GPR39: variants seen among roughly 807,000 people sequenced by gnomAD.
GPR39 encodes G protein-coupled receptor 39.
In GPR39, 23 loss-of-function variants were observed where a neutral mutation model predicts 18.4. That is an observed-to-expected ratio of 1.25 (90% CI 0.90 to 1.77). GPR39 has a LOEUF of 1.77. GPR39 is among the 40% of genes most tolerant of loss of function. The pLI, the probability that GPR39 is intolerant of heterozygous loss-of-function variation, is 0.00. For missense variants in GPR39, 647 were observed against 602.4 expected (o/e 1.07, Z -0.78); for synonymous variants, 280 against 257.9 (o/e 1.09, Z -0.82).
intron 1 of GPR39, among the ~76,000 whole-genome samples, chr2:132,611,939 C>T (rs376918570): frequency 1.6e-4 from 25 of 152,116 alleles, no homozygotes; most frequent in African/African-American, 2.7e-4. Flanking sequence ...ATGACTGAAA[C>T]GGAGCTTCTC....
rs975480976 is a variant in GPR39 at position 132,645,460 on chromosome 2, G to C, written c.1216G>C (p.Glu406Gln). 1 of 1,613,900 alleles carries C rather than the reference G, an allele frequency of 6.2e-7. No homozygotes were observed. The change falls in exon 2 of 2, where the codon GAG (glutamate) becomes CAG (glutamine). Residue 406 changes from glutamate to glutamine, a missense_variant. Physicochemically the swap from Glu to Gln is conservative, Grantham distance 29. Around this residue, in one of 3 missense-constraint regions of GPR39, gnomAD observed 581 missense variants for 506.8 expected, o/e 1.15. Coordinates refer to ENST00000329321, the MANE Select transcript of GPR39 (RefSeq NM_001508.3). ...SRRQSSARRT[E>Q]KIFLSTFQSE... Reference sequence around the variant, plus strand: ...GCGCCAGTCCTCTGCAAGGAGAACTGAGAAGATTTTCTTAAGCACTTTTCA... The same window carrying C: ...GCGCCAGTCCTCTGCAAGGAGAACTCAGAAGATTTTCTTAAGCACTTTTCA...
At chr2:132,573,021 T>C (rs1462832524) in intron 1 of GPR39, among the ~76,000 whole-genome samples, 1 of 152,118 alleles carries the variant, frequency 6.6e-6, no homozygotes, top group Admixed American at 6.5e-5. Context: ...GTGCCCATTG[T>C]GGAAGTGAAA....
At chr2:132,638,502 G>T (rs1347747861) in intron 1 of GPR39, among the ~76,000 whole-genome samples, 1 of 152,162 alleles carries the variant, frequency 6.6e-6, no homozygotes, top group Non-Finnish European at 1.5e-5. Context: ...GCATGTCTAA[G>T]AAGTTCCCAG....
intron 1 of GPR39, among the ~76,000 whole-genome samples, chr2:132,572,311 C>G (rs1558844231): frequency 6.6e-6 from 1 of 152,116 alleles, no homozygotes; most frequent in Non-Finnish European, 1.5e-5. Flanking sequence ...CTCTTTCTTT[C>G]AGCCCCCTAG....
At chr2:132,585,952 T>TTTTTTTG (rs1442684553) in intron 1 of GPR39, among the ~76,000 whole-genome samples, 39 of 135,906 alleles carry the variant, frequency 2.9e-4, no homozygotes, top group Non-Finnish European at 6.0e-4. Flanking sequence ...TCCCCGGTTT[T>TTTTTTTG]TTTTTTTTTT....
At chr2:132,436,677 A>G (rs1680324322) in intron 1 of GPR39, among the ~76,000 whole-genome samples, 1 of 152,150 alleles carries the variant, frequency 6.6e-6, no homozygotes, top group South Asian at 2.1e-4. Flanking sequence ...TCAGCTTAGT[A>G]AAGAGCCCCC....
intron 1 of GPR39, among the ~76,000 whole-genome samples, chr2:132,506,687 A>C (rs1220240451): frequency 6.6e-6 from 1 of 152,140 alleles, no homozygotes; most frequent in Non-Finnish European, 1.5e-5. Context: ...GAATTCACTC[A>C]CTATCACAAG....
At chr2:132,491,036 C>G (rs1212271027) in intron 1 of GPR39, among the ~76,000 whole-genome samples, 1 of 152,160 alleles carries the variant, frequency 6.6e-6, no homozygotes, top group Non-Finnish European at 1.5e-5. Flanking sequence ...AATTTGCGAA[C>G]CTTGAACCAA....
chr2:132,446,769 G>C (rs1680545069), intron 1 of GPR39, among the ~76,000 whole-genome samples: 2 of 152,142 alleles, frequency 1.3e-5, no homozygotes, highest in Non-Finnish European at 2.9e-5. Flanking sequence ...GAATGGAGTG[G>C]AGTAGAGAGC....
intron 1 of GPR39, among the ~76,000 whole-genome samples, chr2:132,558,075 G>A (rs1047234187): frequency 6.6e-6 from 1 of 152,054 alleles, no homozygotes; most frequent in African/African-American, 2.4e-5. Flanking sequence ...TAAAGGATAC[G>A]TTCTCAGAAA....
intron 1 of GPR39, among the ~76,000 whole-genome samples, chr2:132,619,649 A>G (rs886435897): frequency 1.3e-5 from 2 of 152,174 alleles, no homozygotes; most frequent in African/African-American, 4.8e-5. Flanking sequence ...GTCTAGGCAC[A>G]GCCTCCTGGG....
chr2:132,617,661 G>A (rs1462645162), intron 1 of GPR39, among the ~76,000 whole-genome samples: 2 of 152,142 alleles, frequency 1.3e-5, no homozygotes, highest in Non-Finnish European at 1.5e-5. Context: ...TATAGGAAAT[G>A]TCTTCCCTAG....
chr2:132,534,432 A>G (rs531780217), intron 1 of GPR39, among the ~76,000 whole-genome samples: 41 of 149,574 alleles, frequency 2.7e-4, no homozygotes, highest in African/African-American at 8.0e-4. Flanking sequence ...TCAGTGTGGC[A>G]ATTCCTCAGG....
intron 1 of GPR39, among the ~76,000 whole-genome samples, chr2:132,624,240 C>A (rs1282622720): frequency 6.6e-6 from 1 of 152,108 alleles, no homozygotes; most frequent in Non-Finnish European, 1.5e-5. Context: ...CTTGTCTGTG[C>A]ATGTCTGTGT....
chr2:132,430,608 C>T (rs1368774279), intron 1 of GPR39, among the ~76,000 whole-genome samples: 2 of 152,176 alleles, frequency 1.3e-5, no homozygotes, highest in Non-Finnish European at 2.9e-5. Context: ...CAGCTTCAGG[C>T]ATCATCCCAT....
intron 1 of GPR39, among the ~76,000 whole-genome samples, chr2:132,509,054 C>G (rs776514143): frequency 2.6e-5 from 4 of 152,198 alleles, no homozygotes; most frequent in Non-Finnish European, 1.5e-5. Flanking sequence ...GCATCAGAAA[C>G]TGCTGGGGTG....
At chr2:132,627,759 C>T (rs766965265) in intron 1 of GPR39, among the ~76,000 whole-genome samples, 4 of 152,142 alleles carry the variant, frequency 2.6e-5, no homozygotes, top group Admixed American at 6.5e-5. Context: ...GAGCCTCGGC[C>T]GTGGGGGAGG....
chr2:132,643,626 G>A (rs7603926), intron 1 of GPR39, among the ~76,000 whole-genome samples: 85,171 of 152,084 alleles, frequency 0.56, 25,719 homozygotes, highest in African/African-American at 0.8. Flanking sequence ...TGATCCTCCC[G>A]CCTCAGCCCC....
chr2:132,428,879 G>T (rs1198437606), intron 1 of GPR39, among the ~76,000 whole-genome samples: 2 of 152,186 alleles, frequency 1.3e-5, no homozygotes, highest in African/African-American at 4.8e-5. Context: ...CTTAAATCTG[G>T]CTCCAAGCTC....
Sources: gnomAD v4.1 joint callset for allele counts (sites outside exome capture counted in the v4.1 genomes callset) on GRCh38, gnomAD v4.1.1 for gene constraint, gnomAD v4.1.1 regional missense constraint, MANE v1.5 for transcripts, NCBI Gene and HGNC (gene_info 2026-07-23, HGNC 2026-07-21) for gene names.